C2orf74: variants seen among roughly 807,000 people sequenced by gnomAD.
C2orf74 encodes the protein DPM1 ER membrane anchor 1, also known as uncharacterized protein C2orf74.
In C2orf74, 14 loss-of-function variants were observed where a neutral mutation model predicts 17.9. The observed-to-expected ratio is 0.78, with a 90% CI of 0.52 to 1.22. The LOEUF (loss-of-function observed/expected upper bound fraction) is 1.22. Among genes scored for constraint, C2orf74 ranks in the 50% most tolerant of loss-of-function variants. The probability of loss-of-function intolerance (pLI) is 0.00; values close to 1 mark genes in which losing one functional copy is unlikely to be tolerated. For synonymous variants in C2orf74, 79 were observed against 72.6 expected (o/e 1.09, Z -0.44); for missense variants, 217 against 218.4 (o/e 0.99, Z 0.04).
chr2:61,148,461 A>G (rs182270817), intron 1 of C2orf74, among the ~76,000 whole-genome samples: 1 of 152,260 alleles, frequency 6.6e-6, no homozygotes, highest in Non-Finnish European at 1.5e-5. Context: ...TGCTGGGATA[A>G]CAGGCATCAG....
At chr2:61,153,165 A>AC (rs1559179527) in intron 1 of C2orf74, among the ~76,000 whole-genome samples, 4 of 151,972 alleles carry the variant, frequency 2.6e-5, no homozygotes, top group African/African-American at 4.8e-5. Context: ...AAAAAAAAAA[A>AC]AACAACATTA....
intron 1 of C2orf74, among the ~76,000 whole-genome samples, chr2:61,153,900 A>AAAAGAAAG (rs146388137): frequency 1.3e-5 from 2 of 149,346 alleles, no homozygotes; most frequent in African/African-American, 4.9e-5. Context: ...AAAAAAAAGA[A>AAAAGAAAG]AAAGAAAGAA....
intron 1 of C2orf74, chr2:61,151,835 A>G (rs1685236092): frequency 6.6e-6 from 1 of 152,270 alleles, no homozygotes; most frequent in Non-Finnish European, 1.5e-5. Context: ...AATCCAGTCC[A>G]CACTCAAGGG....
At chr2:61,153,430 A>G (rs897340356) in intron 1 of C2orf74, among the ~76,000 whole-genome samples, 7 of 150,926 alleles carry the variant, frequency 4.6e-5, no homozygotes, top group South Asian at 2.1e-4. Context: ...ACAGGCGCCC[A>G]CCACTACGCC....
rs966463849 is a variant in C2orf74 at position 61,162,608 on chromosome 2, T to TG, written c.95+1dup. ...CTTATTGGTGGTTTTTTTATATAAA[T>TG]GGTATAAATCCATGCTGATAATTGG... On this transcript the variant is annotated frameshift_variant and splice_region_variant, in exon 2 of 5. Transcript: ENST00000432605. LOFTEE classifies it high-confidence loss of function. 6.7e-7 allele frequency: 1 copy of TG among 1,498,522 alleles called. No individual in the cohort carries two copies. The allele number at this position is 1,498,522 out of a possible 1,614,324, so 92.8% of individuals were successfully genotyped here. A position where few individuals can be genotyped will look rare whatever the true frequency, so the allele number is the denominator to read the frequency against.
intron 1 of C2orf74, among the ~76,000 whole-genome samples, chr2:61,149,574 CTTTTTTTTTTTTTT>C (rs70959895): frequency 7.5e-5 from 6 of 80,020 alleles, no homozygotes; most frequent in Non-Finnish European, 7.0e-5. Context: ...GGGCGCCTTT[CTTTTTTTTTTTTTT>C]TTTTTTTTTT....
intron 1 of C2orf74, among the ~76,000 whole-genome samples, chr2:61,154,250 A>G (rs1456572167): frequency 6.6e-6 from 1 of 151,996 alleles, no homozygotes. Context: ...AAAAAAAAAA[A>G]AAAATTTAGA....
rs781402672 is a variant in C2orf74 at position 61,162,593 on chromosome 2, G to T, written c.79G>T (p.Val27Phe). 9 of 1,541,922 alleles carry T rather than the reference G, an allele frequency of 5.8e-6. No homozygotes were observed. The highest frequency in any genetic ancestry group is 3.6e-5 in the South Asian group (3 of 83,618). ...CLICILLLLV[V>F]FLYKCFQGRK... ...CATTTGCATCCTCCTCTTATTGGTGGTTTTTTTATATAAATGGTATAAATC... is the reference window on the plus strand; with the variant it reads ...CATTTGCATCCTCCTCTTATTGGTGTTTTTTTTATATAAATGGTATAAATC... The change falls in exon 2 of 5, where the codon GTT becomes TTT. Residue 27 changes from valine (V) to phenylalanine (F), a missense_variant. Coordinates refer to ENST00000432605, the MANE Select transcript of C2orf74 (RefSeq NM_001143959.4).
chr2:61,151,871 A>G (rs1226918095), intron 1 of C2orf74: 2 of 152,380 alleles, frequency 1.3e-5, no homozygotes, highest in African/African-American at 4.8e-5. Flanking sequence ...AAACCATCAC[A>G]AAGTCCAACA....
At chr2:61,160,315 C>A (rs1411870170), upstream of C2orf74, among the ~76,000 whole-genome samples, 2 of 152,248 alleles carry the variant, frequency 1.3e-5, no homozygotes, top group Admixed American at 6.5e-5. Flanking sequence ...CACCTGCCCC[C>A]ACGCCTGGCT....
chr2:61,149,608 T>G (rs189529010), intron 1 of C2orf74, among the ~76,000 whole-genome samples: 3 of 146,060 alleles, frequency 2.1e-5, no homozygotes, highest in African/African-American at 7.7e-5. Context: ...TGAGACAGTT[T>G]CGCTCTGTTG....
At chr2:61,145,142 CGA>C (rs899000707) in exon 1 of C2orf74, 3 of 152,248 alleles carry the variant, frequency 2.0e-5, no homozygotes. Flanking sequence ...TGACGTCGTC[CGA>C]GAGTCTTAAA....
At chr2:61,147,834 C>G (rs1573702219) in intron 1 of C2orf74, among the ~76,000 whole-genome samples, 1 of 152,012 alleles carries the variant, frequency 6.6e-6, no homozygotes, top group South Asian at 2.1e-4. Flanking sequence ...GTGGTGTGAT[C>G]TTGGCTCACT....
At chr2:61,145,295 GAATT>G (rs1367610316) in intron 1 of C2orf74, 1 of 152,210 alleles carries the variant, frequency 6.6e-6, no homozygotes, top group Non-Finnish European at 1.5e-5. Flanking sequence ...AAATATCTAA[GAATT>G]AACAGGCAGC....
chr2:61,146,672 A>G (rs1685078029), intron 1 of C2orf74, among the ~76,000 whole-genome samples: 1 of 152,132 alleles, frequency 6.6e-6, no homozygotes, highest in Admixed American at 6.5e-5. Context: ...CGTCTCTACT[A>G]AAAATACAAA....
In C2orf74 at chr2:61,164,339, C is replaced by G. The variant is rs776459560; in HGVS notation, c.391-15C>G. 6.1e-5 allele frequency: 92 copies of G among 1,519,970 alleles called. No homozygotes were observed. The highest frequency in any genetic ancestry group is 7.2e-5 in the Non-Finnish European group (81 of 1,132,452). 94.2% of individuals were successfully genotyped at this position (1,519,970 alleles called of 1,614,324 possible). A position where few individuals can be genotyped will look rare whatever the true frequency, so the allele number is the denominator to read the frequency against. On this transcript the variant is annotated splice_polypyrimidine_tract_variant and intron_variant, in intron 4 of 4. Transcript: ENST00000432605. ...TTGATTATTTGTTTATATTGTTTGT[C>G]CCATTCTCTTGCAGGATGATGGTTT...
At chr2:61,159,372 C>G (rs1433203825), upstream of C2orf74, 2 of 310,312 alleles carry the variant, frequency 6.4e-6, no homozygotes, top group Non-Finnish European at 6.3e-6. Flanking sequence ...TCTCAGCTCA[C>G]TGCAACCTCT....
chr2:61,148,185 T>C (rs1685126567), intron 1 of C2orf74, among the ~76,000 whole-genome samples: 1 of 148,020 alleles, frequency 6.8e-6, no homozygotes. Flanking sequence ...TATATAAAAA[T>C]ATATATGTAT....
At chr2:61,157,958 TCAC>T (rs1441836625), upstream of C2orf74, 1 of 471,130 alleles carries the variant, frequency 2.1e-6, no homozygotes, top group South Asian at 1.5e-5. Context: ...GCAGATCCTG[TCAC>T]CACGAGTGGA....
Sources: allele counts gnomAD v4.1 joint callset (sites outside exome capture counted in the v4.1 genomes callset), GRCh38; gene constraint gnomAD v4.1.1; transcripts MANE v1.5; gene names NCBI Gene and HGNC (gene_info 2026-07-23, HGNC 2026-07-21).